IL1RAPL1: variants seen among roughly 807,000 people sequenced by gnomAD.
The protein encoded by IL1RAPL1 is interleukin 1 receptor accessory protein like 1, also known as interleukin-1 receptor accessory protein-like 1.
A neutral mutation model predicts 48.4 loss-of-function variants in IL1RAPL1; 3 were observed. The ratio of observed to expected loss-of-function variants is 0.06; its 90% CI spans 0.03 to 0.16. The LOEUF is 0.16. Among genes scored for constraint, IL1RAPL1 ranks in the 10% least tolerant of loss-of-function variants. The pLI is 1.00. For missense variants in IL1RAPL1, 349 were observed against 530.6 expected (o/e 0.66, Z 3.36); for synonymous variants, 185 against 187.7 (o/e 0.99, Z 0.12).
At chrX:29,074,770 A>C (rs1411971549) in intron 2 of IL1RAPL1, among the ~76,000 whole-genome samples, 1 of 112,212 alleles carries the variant, frequency 8.9e-6, no homozygotes, top group African/African-American at 3.2e-5. Flanking sequence ...GTTCATCTCC[A>C]AACATTTTAT....
intron 5 of IL1RAPL1, among the ~76,000 whole-genome samples, chrX:29,435,091 G>A (rs752256559): frequency 9.0e-6 from 1 of 111,007 alleles, no homozygotes; most frequent in African/African-American, 3.3e-5. Flanking sequence ...ATGCAATAGC[G>A]TATTTTTAAG....
At chrX:29,670,832 C>T (rs1203972245) in intron 6 of IL1RAPL1, among the ~76,000 whole-genome samples, 2 of 111,554 alleles carry the variant, frequency 1.8e-5, no homozygotes, top group Non-Finnish European at 3.8e-5. Context: ...TGAAGAGTCA[C>T]GGGTTGGGAG....
At chrX:29,920,966 C>A (rs748027550) in intron 8 of IL1RAPL1, among the ~76,000 whole-genome samples, 1 of 110,458 alleles carries the variant, frequency 9.1e-6, no homozygotes, top group Non-Finnish European at 1.9e-5. Context: ...ATTGTTTCTG[C>A]CTTGGATAAC....
intron 2 of IL1RAPL1, among the ~76,000 whole-genome samples, chrX:28,990,335 C>T (rs1296695277): frequency 1.8e-5 from 2 of 112,099 alleles, no homozygotes; most frequent in Non-Finnish European, 3.8e-5. Flanking sequence ...CCTTGTATTA[C>T]ATCTCAGAAG....
intron 1 of IL1RAPL1, among the ~76,000 whole-genome samples, chrX:28,702,324 TTAG>T (rs1292222005): frequency 3.6e-5 from 4 of 111,843 alleles, no homozygotes; most frequent in African/African-American, 1.3e-4. Flanking sequence ...GTATATAATA[TTAG>T]TAGAAATTTA....
chrX:29,010,340 G>C (rs1393132746), intron 2 of IL1RAPL1, among the ~76,000 whole-genome samples: 1 of 111,743 alleles, frequency 8.9e-6, no homozygotes, highest in Non-Finnish European at 1.9e-5. Flanking sequence ...AAGGCAAATG[G>C]TTCCAGCTTT....
At chrX:29,884,997 C>T (rs956034963) in intron 6 of IL1RAPL1, among the ~76,000 whole-genome samples, 2 of 110,392 alleles carry the variant, frequency 1.8e-5, no homozygotes, top group African/African-American at 6.7e-5. Flanking sequence ...CAGCAACAGT[C>T]CTTACAATGA....
intron 2 of IL1RAPL1, among the ~76,000 whole-genome samples, chrX:29,167,403 A>C (rs771228423): frequency 3.1e-4 from 34 of 108,011 alleles, no homozygotes; most frequent in Non-Finnish European, 5.7e-4. Flanking sequence ...TGTATAATCA[A>C]AAAGTCTGGA....
At chrX:29,603,160 G>A (rs1923778376) in intron 5 of IL1RAPL1, among the ~76,000 whole-genome samples, 1 of 109,098 alleles carries the variant, frequency 9.2e-6, no homozygotes. Flanking sequence ...CAGCTACTCA[G>A]GAGTCTGAGG....
intron 2 of IL1RAPL1, among the ~76,000 whole-genome samples, chrX:29,071,656 GTAT>G (rs1251798124): frequency 7.2e-5 from 8 of 111,449 alleles, no homozygotes. Context: ...ATCCCCTATA[GTAT>G]CTAGCACAGA....
At chrX:29,208,010 G>T (rs1162705010) in intron 2 of IL1RAPL1, among the ~76,000 whole-genome samples, 1 of 111,647 alleles carries the variant, frequency 9.0e-6, no homozygotes, top group African/African-American at 3.3e-5. Flanking sequence ...ATGCAAGAGA[G>T]ACAATTACTT....
At chrX:29,084,597 T>C (rs976021120) in intron 2 of IL1RAPL1, among the ~76,000 whole-genome samples, 25 of 112,500 alleles carry the variant, frequency 2.2e-4, no homozygotes, top group African/African-American at 8.1e-4. Flanking sequence ...GGAGTCCTCC[T>C]AATAGTTAAG....
intron 5 of IL1RAPL1, among the ~76,000 whole-genome samples, chrX:29,557,817 G>T (rs1289198746): frequency 1.8e-5 from 2 of 110,203 alleles, no homozygotes; most frequent in African/African-American, 6.6e-5. Flanking sequence ...TGTCTTCCAG[G>T]TTAATCTGTG....
intron 2 of IL1RAPL1, among the ~76,000 whole-genome samples, chrX:28,930,896 C>T (rs1273394087): frequency 9.0e-6 from 1 of 111,028 alleles, no homozygotes; most frequent in Non-Finnish European, 1.9e-5. Context: ...TCGCCTTGGC[C>T]TCCCAAATTG....
chrX:29,325,588 C>A (rs781628392), intron 3 of IL1RAPL1, among the ~76,000 whole-genome samples: 1 of 112,123 alleles, frequency 8.9e-6, no homozygotes, highest in African/African-American at 3.2e-5. Flanking sequence ...CCATTATGTT[C>A]TTGGTGATTT....
intron 2 of IL1RAPL1, among the ~76,000 whole-genome samples, chrX:29,263,851 C>T (rs375782799): frequency 0.011 from 473 of 44,112 alleles, 5 homozygotes; most frequent in African/African-American, 0.031. Flanking sequence ...CTCTCTTTCT[C>T]TCTCTCTCTC....
intron 9 of IL1RAPL1, among the ~76,000 whole-genome samples, chrX:29,953,889 A>G (rs1261411362): frequency 1.0e-5 from 1 of 97,379 alleles, no homozygotes; most frequent in African/African-American, 3.4e-5. Flanking sequence ...ACTGATATCC[A>G]AACATATGGC....
At chrX:28,851,138 C>T (rs1475186192) in intron 2 of IL1RAPL1, among the ~76,000 whole-genome samples, 1 of 105,725 alleles carries the variant, frequency 9.5e-6, no homozygotes, top group Non-Finnish European at 1.9e-5. Context: ...CTCACACTTG[C>T]CTTGGAAGAC....
intron 3 of IL1RAPL1, among the ~76,000 whole-genome samples, chrX:29,288,794 CT>C (rs200993241): frequency 2.9e-3 from 320 of 111,581 alleles, no homozygotes; most frequent in African/African-American, 0.01. Context: ...AAAAGCATTC[CT>C]TTTTTTTCTG....
Sources: allele counts gnomAD v4.1 joint callset (sites outside exome capture counted in the v4.1 genomes callset), GRCh38; gene constraint gnomAD v4.1.1; transcripts MANE v1.5; gene names NCBI Gene and HGNC (gene_info 2026-07-23, HGNC 2026-07-21).